The following GALNT8 variants were observed in gnomAD, a reference collection of about 807,000 sequenced individuals.
The protein encoded by GALNT8 is polypeptide N-acetylgalactosaminyltransferase 8, also known as probable polypeptide N-acetylgalactosaminyltransferase 8.
A neutral mutation model predicts 62.7 loss-of-function variants in GALNT8; 66 were observed. That is an observed-to-expected ratio of 1.05 (90% CI 0.86 to 1.29). GALNT8 has a LOEUF of 1.29. GALNT8 is among the 50% of genes most tolerant of loss of function. GALNT8 has a pLI of 0.00. For synonymous variants in GALNT8, 288 were observed against 294.3 expected, an observed-to-expected ratio of 0.98 and a Z score of 0.22; for missense variants, 771 against 791.8, an observed-to-expected ratio of 0.97 and a Z score of 0.32.
At chr12:4,745,362 T>A in intron 4 of GALNT8, 67 bp from the exon 5 acceptor site, 1 of 1,017,192 alleles carries the variant, frequency 9.8e-7, no homozygotes, top group Non-Finnish European at 1.6e-6. Flanking sequence ...TTGGAACAGC[T>A]TTATCTGCTC....
intron 3 of GALNT8, among the ~76,000 whole-genome samples, chr12:4,742,001 C>A (rs1038201464): frequency 5.9e-5 from 9 of 152,216 alleles, no homozygotes; most frequent in African/African-American, 1.9e-4. Flanking sequence ...ACCATGTCTA[C>A]TGAAAGAGAA....
chr12:4,738,739 A>G (rs1946256915), intron 2 of GALNT8, among the ~76,000 whole-genome samples: 1 of 152,160 alleles, frequency 6.6e-6, no homozygotes, highest in Non-Finnish European at 1.5e-5. Context: ...GTAAGCATTT[A>G]GTAAATATAG....
At chr12:4,739,357 T>C (rs1161861019) in intron 3 of GALNT8, 28 bp downstream of exon 3, 1 of 1,586,148 alleles carries the variant, frequency 6.3e-7, no homozygotes. Context: ...AGAATAATTG[T>C]AAAAATGACC....
At chr12:4,734,407 A>T (rs999622235) in intron 2 of GALNT8, among the ~76,000 whole-genome samples, 1 of 152,168 alleles carries the variant, frequency 6.6e-6, no homozygotes, top group East Asian at 1.9e-4. Flanking sequence ...CACTTTAACA[A>T]GATCCCCAAG....
At chr12:4,770,939 G>A (rs916910808) in intron 10 of GALNT8, among the ~76,000 whole-genome samples, 5 of 152,212 alleles carry the variant, frequency 3.3e-5, no homozygotes, top group Non-Finnish European at 5.9e-5. Context: ...GTTAGGAATA[G>A]TGTTTCTCTA....
rs1261642944 is a variant in GALNT8 at position 4,730,228 on chromosome 12, T to C, written c.509+3399T>C. Among the ~76,000 whole-genome samples, 3 of 152,186 alleles carry C rather than the reference T, an allele frequency of 2.0e-5. No homozygotes were observed. In the South Asian group the frequency reaches 6.2e-4, roughly 31 times the overall value. ...AGATTTTTAGTTTGATGTAATGCTA[T>C]TTGTCTATTTTTGTTTTTGTTGCCT... is the stretch of plus-strand genomic sequence containing the variant. On this transcript the variant is annotated intron_variant, in intron 2 of 10. Transcript: ENST00000252318.
intron 2 of GALNT8, among the ~76,000 whole-genome samples, chr12:4,732,010 T>TGG (rs1946224009): frequency 6.6e-6 from 1 of 152,114 alleles, no homozygotes; most frequent in South Asian, 2.1e-4. Flanking sequence ...GACCTATGTG[T>TGG]GGGGTCCTGT....
intron 6 of GALNT8, among the ~76,000 whole-genome samples, chr12:4,760,755 A>G (rs372136408): frequency 1.6e-4 from 24 of 152,316 alleles, no homozygotes; most frequent in Admixed American, 2.6e-4. Context: ...AGTTGTTTGA[A>G]TGACAGAAGA....
At chr12:4,757,579 AAG>A (rs2137539150) in intron 6 of GALNT8, among the ~76,000 whole-genome samples, 1 of 152,330 alleles carries the variant, frequency 6.6e-6, no homozygotes, top group South Asian at 2.1e-4. Context: ...AAAAGGGGGA[AAG>A]AGAGAGAGCA....
Position 4,763,989 on chromosome 12 carries a change from A to C in GALNT8, c.1535A>C (p.Gln512Pro). Residue 512 changes from glutamine (Q) to proline (P), a missense_variant, in exon 9 of 11, where the codon CAG becomes CCG. Coordinates refer to ENST00000252318, the MANE Select transcript of GALNT8 (RefSeq NM_017417.2). ...TTGGATGAAAATGTCTGCTTGGATCAGGGACCCGTTCCAGGCAACACCCCC... is the reference window on the plus strand; with the variant it reads ...TTGGATGAAAATGTCTGCTTGGATCCGGGACCCGTTCCAGGCAACACCCCC... ...NLLDENVCLD[Q>P]GPVPGNTPIM... 1 of 1,597,626 alleles carries C rather than the reference A, an allele frequency of 6.3e-7. No individual in the cohort carries two copies. The highest frequency in any genetic ancestry group is 1.3e-5 in the African/African-American group (1 of 74,766).
chr12:4,725,212 TC>T (rs2137517263), intron 1 of GALNT8, among the ~76,000 whole-genome samples: 1 of 152,280 alleles, frequency 6.6e-6, no homozygotes, highest in Non-Finnish European at 1.5e-5. Flanking sequence ...GGTTACTTTT[TC>T]TCTCTTTTTG....
At position 4,757,762 on chromosome 12, in the gene GALNT8, T is replaced by C. The variant is rs556378810; in HGVS notation, c.1174-3196T>C. On this transcript the variant is annotated intron_variant, in intron 6 of 10. Transcript: ENST00000252318. ...GATGTTTCTTCTATCACTGTAGATA[T>C]AGAGCAGAATCAGAATAGACACTGG... Among the ~76,000 whole-genome samples, 30 of 106,270 alleles carry C rather than the reference T, an allele frequency of 2.8e-4. No homozygotes were observed. In the East Asian group the frequency reaches 5.6e-3, roughly 20 times the overall value. 69.7% of individuals were successfully genotyped at this position (106,270 alleles called of 152,430 possible).
At chr12:4,722,700 G>A (rs1343533310) in intron 1 of GALNT8, among the ~76,000 whole-genome samples, 1 of 152,154 alleles carries the variant, frequency 6.6e-6, no homozygotes, top group African/African-American at 2.4e-5. Context: ...TTTTATGTGT[G>A]GGCAGGGATG....
intron 9 of GALNT8, 69 bp downstream of exon 9, chr12:4,764,116 C>T (rs1328844641): frequency 1.1e-6 from 1 of 879,454 alleles, no homozygotes; most frequent in East Asian, 2.4e-5. Context: ...GTAACCATTG[C>T]TGGGTCTGGA....
intron 6 of GALNT8, among the ~76,000 whole-genome samples, chr12:4,751,988 T>A (rs1310890357): frequency 6.6e-6 from 1 of 152,224 alleles, no homozygotes; most frequent in Middle Eastern, 3.2e-3. Context: ...AATTGACCCC[T>A]TTTTTATTAT....
chr12:4,720,426 A>G lies in GALNT8; in HGVS notation c.-252A>G. The G allele has an allele frequency of 2.0e-6, 1 of 505,980 alleles. No individual in the cohort carries two copies. The highest frequency in any genetic ancestry group is 2.3e-5 in the South Asian group (1 of 43,344). The allele number at this position is 505,980 out of a possible 1,614,324, so 31.3% of individuals were successfully genotyped here. A position where few individuals can be genotyped will look rare whatever the true frequency, so the allele number is the denominator to read the frequency against. The stretch of plus-strand genomic sequence containing the variant: ...TTATCTCCCTGAGCAACCTGTGGAA[A>G]GCCGCTGAGCAACCTGTGGAAAGCC... On this transcript the variant is annotated 5_prime_UTR_variant, in exon 1 of 11. Transcript: ENST00000252318.
intron 4 of GALNT8, 58 bp from the exon 5 acceptor site, chr12:4,745,371 T>C: frequency 9.3e-7 from 1 of 1,074,138 alleles, no homozygotes; most frequent in Non-Finnish European, 1.4e-6. Flanking sequence ...CTTTATCTGC[T>C]CTCCCCTACT....
rs1946429036 is a variant in GALNT8 at position 4,772,448 on chromosome 12, G to A, written c.1765G>A (p.Gly589Arg). Residue 589 changes from glycine to arginine, a missense_variant, in exon 11 of 11, where the codon GGA (glycine) becomes AGA (arginine). Physicochemically the swap from Gly to Arg is moderately radical, Grantham distance 125. Transcript: ENST00000252318. ...LHIYWDFKPG[G>R]AVINRDTKRC... ...CTCTGTCTCTCTTCCCCTCCAGGGA[G>A]GAGCTGTCATAAACAGAGATACCAA... 2 of 1,613,306 alleles carry A rather than the reference G, an allele frequency of 1.2e-6. No individual in the cohort carries two copies. Among genetic ancestry groups the A allele is most frequent in the Non-Finnish European group, 1.7e-6 (2 of 1,179,748 alleles).
In GALNT8 at chr12:4,772,423, CTCTG is replaced by C. The variant is rs1317108878; in HGVS notation, c.1762-18_1762-15del. On this transcript the variant is annotated intron_variant, in intron 10 of 10. Transcript: ENST00000252318. ...TTACTGAGGCATTTCAGCACCTTGG[CTCTG>C]TCTCTCTTCCCCTCCAGGGAGGAGC... 4 of 1,609,310 alleles carry C rather than the reference CTCTG, an allele frequency of 2.5e-6. No individual in the cohort carries two copies. The Admixed American group carries it at 6.7e-5, about 27-fold the overall frequency.
Sources: allele counts gnomAD v4.1 joint callset (sites outside exome capture counted in the v4.1 genomes callset), GRCh38; gene constraint gnomAD v4.1.1; transcripts MANE v1.5; gene names NCBI Gene and HGNC (gene_info 2026-07-23, HGNC 2026-07-21).